ELAVL4: variants seen among roughly 807,000 people sequenced by gnomAD.
ELAVL4 encodes ELAV-like protein 4.
ELAVL4 carries 1 observed loss-of-function variant against 35.6 expected under a neutral mutation model. That is an observed-to-expected ratio of 0.03 (90% CI 0.01 to 0.13). The LOEUF is 0.13. Among genes scored for constraint, ELAVL4 ranks in the 10% least tolerant of loss-of-function variants. The probability of loss-of-function intolerance (pLI) is 1.00; values close to 1 mark genes in which losing one functional copy is unlikely to be tolerated. For missense variants in ELAVL4, 267 were observed against 464.9 expected, an observed-to-expected ratio of 0.57 and a Z score of 3.91; for synonymous variants, 156 against 171.0, an observed-to-expected ratio of 0.91 and a Z score of 0.69.
At chr1:50,175,387 T>TATAC (rs1679821560) in intron 2 of ELAVL4, 2 of 142,996 alleles carry the variant, frequency 1.4e-5, no homozygotes, top group African/African-American at 2.7e-5. Context: ...CCACCACACG[T>TATAC]ACACACACAC....
At chr1:50,078,997 G>A (rs1194007011) in intron 1 of ELAVL4, among the ~76,000 whole-genome samples, 1 of 152,144 alleles carries the variant, frequency 6.6e-6, no homozygotes, top group East Asian at 1.9e-4. Context: ...TGCTGGATCT[G>A]AGTTCTAGTT....
chr1:50,153,844 A>G (rs1254998387), intron 2 of ELAVL4, among the ~76,000 whole-genome samples: 2 of 152,224 alleles, frequency 1.3e-5, no homozygotes, highest in African/African-American at 4.8e-5. Context: ...GTGATCTTAT[A>G]AGAAGAGGAA....
chr1:50,128,162 C>G (rs1430077318), intron 1 of ELAVL4, among the ~76,000 whole-genome samples: 1 of 152,066 alleles, frequency 6.6e-6, no homozygotes, highest in East Asian at 1.9e-4. Flanking sequence ...ATCTAATTTC[C>G]TATGTGGAGA....
chr1:50,167,991 C>G (rs1208907339), intron 2 of ELAVL4, among the ~76,000 whole-genome samples: 1 of 152,206 alleles, frequency 6.6e-6, no homozygotes, highest in Non-Finnish European at 1.5e-5. Context: ...ATTTCTCCTT[C>G]TATGCAAAGT....
chr1:50,107,952 G>T (rs1666485331), upstream of ELAVL4, among the ~76,000 whole-genome samples: 1 of 152,138 alleles, frequency 6.6e-6, no homozygotes, highest in African/African-American at 2.4e-5. Context: ...AAGAAAAAAA[G>T]ACATCCCTTT....
At chr1:50,172,529 C>T (rs1254505027) in intron 2 of ELAVL4, among the ~76,000 whole-genome samples, 1 of 152,128 alleles carries the variant, frequency 6.6e-6, no homozygotes, top group South Asian at 2.1e-4. Context: ...CCACTACTGC[C>T]TGTTTTTCTA....
At chr1:50,178,257 C>G (rs961301204) in intron 3 of ELAVL4, among the ~76,000 whole-genome samples, 2 of 152,188 alleles carry the variant, frequency 1.3e-5, no homozygotes, top group Non-Finnish European at 1.5e-5. Context: ...AAAAGAGAAA[C>G]CTCTCCCAGA....
intron 2 of ELAVL4, among the ~76,000 whole-genome samples, chr1:50,163,117 G>T (rs1677092100): frequency 6.6e-6 from 1 of 152,170 alleles, no homozygotes; most frequent in Non-Finnish European, 1.5e-5. Flanking sequence ...GGTGCTCATT[G>T]TGTCCTCTCC....
chr1:50,114,651 G>A (rs186215167), intron 1 of ELAVL4, among the ~76,000 whole-genome samples: 1 of 152,208 alleles, frequency 6.6e-6, no homozygotes, highest in Admixed American at 6.5e-5. Context: ...AGTGCAAGAT[G>A]CCCGATAATT....
chr1:50,163,583 T>G (rs1677186129), intron 2 of ELAVL4, among the ~76,000 whole-genome samples: 1 of 152,036 alleles, frequency 6.6e-6, no homozygotes, highest in Non-Finnish European at 1.5e-5. Flanking sequence ...TACCAGCACT[T>G]TGGGAGGTCG....
At chr1:50,069,159 T>TA (rs1384017338) in intron 1 of ELAVL4, among the ~76,000 whole-genome samples, 11 of 152,290 alleles carry the variant, frequency 7.2e-5, no homozygotes, top group Non-Finnish European at 1.0e-4. Context: ...TTAATTTCTG[T>TA]AACAGCAGCA....
intron 1 of ELAVL4, among the ~76,000 whole-genome samples, chr1:50,068,709 A>G (rs369835096): frequency 1.3e-5 from 2 of 152,196 alleles, no homozygotes; most frequent in Non-Finnish European, 2.9e-5. Flanking sequence ...TTTGAATTGC[A>G]TTTCTGAACA....
chr1:50,061,171 G>C (rs1266105773), intron 1 of ELAVL4, among the ~76,000 whole-genome samples: 2 of 152,210 alleles, frequency 1.3e-5, no homozygotes, highest in Non-Finnish European at 2.9e-5. Flanking sequence ...TGATGGAGAA[G>C]ATATTTACAT....
At chr1:50,124,723 T>C (rs558774011) in intron 1 of ELAVL4, among the ~76,000 whole-genome samples, 2 of 152,146 alleles carry the variant, frequency 1.3e-5, no homozygotes, top group East Asian at 3.9e-4. Context: ...CCCAAGGAAA[T>C]AGAGACTTTT....
chr1:50,077,841 C>CAGAGACATAATGG (rs1331581379), intron 1 of ELAVL4, among the ~76,000 whole-genome samples: 2 of 152,176 alleles, frequency 1.3e-5, no homozygotes, highest in African/African-American at 4.8e-5. Context: ...TTAATTCTCT[C>CAGAGACATAATGG]AATAACTTTA....
chr1:50,194,204 A>C (rs1683093064), intron 4 of ELAVL4, among the ~76,000 whole-genome samples: 1 of 152,190 alleles, frequency 6.6e-6, no homozygotes, highest in Admixed American at 6.5e-5. Context: ...GAACTGTATG[A>C]CCTTCAAAGT....
chr1:50,183,668 C>A (rs1252583157), intron 3 of ELAVL4, among the ~76,000 whole-genome samples: 1 of 152,202 alleles, frequency 6.6e-6, no homozygotes, highest in East Asian at 1.9e-4. Context: ...GCCCCTCCCA[C>A]TTCTTTCTCT....
intron 1 of ELAVL4, among the ~76,000 whole-genome samples, chr1:50,125,050 A>G (rs1669662081): frequency 6.6e-6 from 1 of 151,994 alleles, no homozygotes; most frequent in Non-Finnish European, 1.5e-5. Context: ...CTTTCATTTT[A>G]GAGGAAGAAG....
intron 1 of ELAVL4, among the ~76,000 whole-genome samples, chr1:50,096,631 A>T (rs1178614068): frequency 6.6e-6 from 1 of 152,064 alleles, no homozygotes; most frequent in Admixed American, 6.6e-5. Context: ...AAACCATAAG[A>T]AATTGACCAC....
Sources: gnomAD v4.1 joint callset for allele counts (sites outside exome capture counted in the v4.1 genomes callset) on GRCh38, gnomAD v4.1.1 for gene constraint, MANE v1.5 for transcripts, NCBI Gene and HGNC (gene_info 2026-07-23, HGNC 2026-07-21) for gene names.